Variants in MAGI2 observed in about 807,000 individuals in gnomAD.
MAGI2 encodes membrane associated guanylate kinase, WW and PDZ domain containing 2.
Under a neutral mutation model 133.3 loss-of-function variants are expected in MAGI2, and 35 were observed. The ratio of observed to expected loss-of-function variants is 0.26; its 90% CI spans 0.20 to 0.35. The LOEUF (loss-of-function observed/expected upper bound fraction) is 0.35, where lower values mean the gene tolerates loss of function less well. Among genes scored for constraint, MAGI2 ranks in the 10% least tolerant of loss-of-function variants. MAGI2 has a pLI of 1.00. For synonymous variants in MAGI2, 729 were observed against 710.6 expected (o/e 1.03, Z -0.41); for missense variants, 1,636 against 1,863.4 (o/e 0.88, Z 2.25).
chr7:78,860,098 T>A (rs1002484263), intron 2 of MAGI2, among the ~76,000 whole-genome samples: 4 of 152,212 alleles, frequency 2.6e-5, no homozygotes, highest in African/African-American at 9.6e-5. Context: ...ATCAGGTCAT[T>A]TAAGGTCTTC....
chr7:79,243,296 T>C (rs1832566034), intron 1 of MAGI2, among the ~76,000 whole-genome samples: 2 of 152,208 alleles, frequency 1.3e-5, no homozygotes, highest in South Asian at 4.1e-4. Context: ...GGTACTTTGG[T>C]TCCTAAAAGG....
chr7:78,882,129 AAG>A (rs1395181225), intron 2 of MAGI2, among the ~76,000 whole-genome samples: 1 of 147,776 alleles, frequency 6.8e-6, no homozygotes, highest in African/African-American at 2.5e-5. Context: ...ACAAAAAAAA[AAG>A]AGAGAGAGAG....
At chr7:79,093,387 C>A (rs1817233788) in intron 1 of MAGI2, among the ~76,000 whole-genome samples, 1 of 152,072 alleles carries the variant, frequency 6.6e-6, no homozygotes, top group South Asian at 2.1e-4. Flanking sequence ...AGATCCAGAC[C>A]ACCACAATAA....
chr7:78,540,294 T>A (rs1379584126), intron 3 of MAGI2, among the ~76,000 whole-genome samples: 1 of 152,158 alleles, frequency 6.6e-6, no homozygotes, highest in Non-Finnish European at 1.5e-5. Context: ...CTCAGGCCAA[T>A]GGAGTTTTCC....
At chr7:78,626,765 A>T (rs950347438) in intron 3 of MAGI2, among the ~76,000 whole-genome samples, 64 of 152,112 alleles carry the variant, frequency 4.2e-4, no homozygotes, top group African/African-American at 1.4e-3. Context: ...ATCTTGAGAT[A>T]AAGACGTTTT....
intron 2 of MAGI2, among the ~76,000 whole-genome samples, chr7:78,669,173 G>C (rs887268924): frequency 3.3e-5 from 5 of 151,998 alleles, no homozygotes; most frequent in African/African-American, 4.8e-5. Flanking sequence ...TAGACCGATA[G>C]CAAGACTAAT....
intron 6 of MAGI2, among the ~76,000 whole-genome samples, chr7:78,447,384 A>T (rs948885133): frequency 5.9e-5 from 9 of 151,910 alleles, no homozygotes; most frequent in Non-Finnish European, 1.2e-4. Flanking sequence ...TGGCTAAAAA[A>T]AAAAAAAGGC....
chr7:78,607,117 C>T (rs967226974), intron 3 of MAGI2, among the ~76,000 whole-genome samples: 1 of 152,108 alleles, frequency 6.6e-6, no homozygotes, highest in Non-Finnish European at 1.5e-5. Flanking sequence ...TAGAGGTGGG[C>T]ATTGTTTGGC....
At chr7:78,512,027 G>T (rs1394466991) in intron 4 of MAGI2, among the ~76,000 whole-genome samples, 1 of 152,018 alleles carries the variant, frequency 6.6e-6, no homozygotes, top group Non-Finnish European at 1.5e-5. Flanking sequence ...GGAGGCTGAG[G>T]CAGGTGAATG....
In MAGI2 at chr7:79,149,135, T is replaced by C. The variant is rs1822952999; in HGVS notation, c.302-141929A>G. On this transcript the variant is annotated intron_variant, in intron 1 of 21. Transcript: ENST00000354212. ...TATATTATATATAATATAATATATA[T>C]ACTTCCTAAAATTATATATATATAT... 2.1e-5 allele frequency among the ~76,000 whole-genome samples: 3 copies of C among 144,312 alleles called. No homozygotes were observed. The South Asian group carries it at 6.3e-4, about 30-fold the overall frequency. 94.7% of individuals were successfully genotyped at this position (144,312 alleles called of 152,430 possible). A position where few individuals can be genotyped will look rare whatever the true frequency, so the allele number is the denominator to read the frequency against.
chr7:79,386,377 A>G (rs1844181493), intron 1 of MAGI2, among the ~76,000 whole-genome samples: 1 of 152,112 alleles, frequency 6.6e-6, no homozygotes, highest in South Asian at 2.1e-4. Context: ...CTGTTTTAAC[A>G]GTTATATATG....
intron 2 of MAGI2, among the ~76,000 whole-genome samples, chr7:78,776,297 C>T (rs1226150411): frequency 6.6e-6 from 1 of 152,116 alleles, no homozygotes; most frequent in East Asian, 1.9e-4. Context: ...ATGTAGCTTT[C>T]ATTCATTCTA....
At chr7:78,926,115 TC>T (rs1301775724) in intron 2 of MAGI2, among the ~76,000 whole-genome samples, 1 of 152,100 alleles carries the variant, frequency 6.6e-6, no homozygotes, top group African/African-American at 2.4e-5. Context: ...AATGTTTCTC[TC>T]CCTCATCTGT....
Position 78,127,214 on chromosome 7 carries a change from C to T in MAGI2, c.3406G>A (p.Asp1136Asn). The change falls in exon 19 of 22, where the codon GAC becomes AAC. Residue 1136 changes from aspartate to asparagine, a missense_variant. Physicochemically the swap from Asp to Asn is conservative, Grantham distance 23. Coordinates refer to ENST00000354212, the MANE Select transcript of MAGI2 (RefSeq NM_012301.4). ...SPDTRQYPLS[D>N]YRQPQDFDYF... ...GGAGGTACCTGGGGTTGTCTGTAGT[C>T]CGACAGAGGGTACTGCCTGGTGTCG... is the stretch of plus-strand genomic sequence containing the variant. The T allele has an allele frequency of 6.3e-7, 1 of 1,588,896 alleles. No individual in the cohort carries two copies. Among genetic ancestry groups the T allele is most frequent in the Non-Finnish European group, 8.6e-7 (1 of 1,168,734 alleles).
At chr7:79,136,851 A>C (rs1288346587) in intron 1 of MAGI2, among the ~76,000 whole-genome samples, 2 of 152,196 alleles carry the variant, frequency 1.3e-5, no homozygotes, top group Admixed American at 1.3e-4. Context: ...AGGAGTAATA[A>C]CTTGAACAGG....
At chr7:78,504,370 T>C (rs1185721873) in intron 4 of MAGI2, among the ~76,000 whole-genome samples, 1 of 152,222 alleles carries the variant, frequency 6.6e-6, no homozygotes, top group Non-Finnish European at 1.5e-5. Context: ...TGGATTCATT[T>C]ACCCCACATT....
At chr7:79,015,211 T>C (rs1283450023) in intron 1 of MAGI2, among the ~76,000 whole-genome samples, 2 of 151,914 alleles carry the variant, frequency 1.3e-5, no homozygotes, top group Non-Finnish European at 2.9e-5. Context: ...TCCCAGAACT[T>C]TGGGAGGCTG....
chr7:78,620,808 T>C (rs1807654080), intron 3 of MAGI2, among the ~76,000 whole-genome samples: 2 of 152,012 alleles, frequency 1.3e-5, no homozygotes, highest in South Asian at 2.1e-4. Context: ...ACCTTTTCAA[T>C]AGATAGAAAA....
intron 9 of MAGI2, among the ~76,000 whole-genome samples, chr7:78,322,013 C>G (rs931290374): frequency 6.6e-6 from 1 of 152,124 alleles, no homozygotes; most frequent in Non-Finnish European, 1.5e-5. Flanking sequence ...TGAAAAAAAG[C>G]TCATGATTAC....
Sources: gnomAD v4.1 joint callset for allele counts (sites outside exome capture counted in the v4.1 genomes callset) on GRCh38, gnomAD v4.1.1 for gene constraint, MANE v1.5 for transcripts, NCBI Gene and HGNC (gene_info 2026-07-23, HGNC 2026-07-21) for gene names.